Variants in ZBTB20 observed in about 807,000 individuals in gnomAD.
ZBTB20 encodes zinc finger and BTB domain containing 20, also known as zinc finger and BTB domain-containing protein 20.
In ZBTB20, 9 loss-of-function variants were observed where a neutral mutation model predicts 56.9. The ratio of observed to expected loss-of-function variants is 0.16; its 90% CI spans 0.10 to 0.28. The LOEUF (loss-of-function observed/expected upper bound fraction) is 0.28. ZBTB20 is among the 10% of genes least tolerant of loss of function. The probability of loss-of-function intolerance (pLI) is 1.00; values close to 1 mark genes in which losing one functional copy is unlikely to be tolerated. For synonymous variants in ZBTB20, 417 were observed against 420.7 expected (o/e 0.99, Z 0.11); for missense variants, 655 against 1,003.0 (o/e 0.65, Z 4.69).
At chr3:114,734,537 T>C (rs2065992068) in intron 5 of ZBTB20, among the ~76,000 whole-genome samples, 1 of 152,126 alleles carries the variant, frequency 6.6e-6, no homozygotes, top group South Asian at 2.1e-4. Flanking sequence ...GAAAGCAATT[T>C]TACCATAGAC....
At chr3:114,829,648 A>G (rs1309314098) in intron 4 of ZBTB20, among the ~76,000 whole-genome samples, 1 of 151,876 alleles carries the variant, frequency 6.6e-6, no homozygotes, top group African/African-American at 2.4e-5. Flanking sequence ...TCAGCTCACT[A>G]AAGATTCTAG....
At chr3:114,600,424 G>C (rs1412965354) in intron 6 of ZBTB20, among the ~76,000 whole-genome samples, 2 of 151,892 alleles carry the variant, frequency 1.3e-5, no homozygotes, top group Non-Finnish European at 2.9e-5. Flanking sequence ...AGAGATGATT[G>C]CTTTCTTTTT....
At chr3:114,457,104 A>C (rs1025644866) in intron 7 of ZBTB20, among the ~76,000 whole-genome samples, 1 of 152,236 alleles carries the variant, frequency 6.6e-6, no homozygotes, top group Non-Finnish European at 1.5e-5. Flanking sequence ...GGCAAGCCCC[A>C]AAATACCTGA....
At chr3:115,128,519 C>T (rs1478217091) in intron 1 of ZBTB20, among the ~76,000 whole-genome samples, 2 of 151,818 alleles carry the variant, frequency 1.3e-5, no homozygotes, top group Non-Finnish European at 2.9e-5. Context: ...CAAAAATTAG[C>T]TGGGTGTGGC....
chr3:115,106,045 C>T (rs541883796), intron 1 of ZBTB20, among the ~76,000 whole-genome samples: 19 of 151,792 alleles, frequency 1.3e-4, no homozygotes, highest in African/African-American at 3.9e-4. Flanking sequence ...CTCAAATTCC[C>T]GACCTTGTGA....
chr3:114,374,014 C>G (rs1396316040), intron 10 of ZBTB20, among the ~76,000 whole-genome samples: 2 of 151,976 alleles, frequency 1.3e-5, no homozygotes, highest in Non-Finnish European at 2.9e-5. Flanking sequence ...AGTGGAAACT[C>G]TAGGAAATTA....
chr3:114,883,108 T>C (rs1232745541), intron 4 of ZBTB20, among the ~76,000 whole-genome samples: 1 of 152,206 alleles, frequency 6.6e-6, no homozygotes, highest in Admixed American at 6.5e-5. Flanking sequence ...ACAGTACATA[T>C]TTTCATGTGT....
chr3:115,101,059 G>A (rs536064412), intron 1 of ZBTB20, among the ~76,000 whole-genome samples: 1 of 152,352 alleles, frequency 6.6e-6, no homozygotes, highest in Admixed American at 6.5e-5. Flanking sequence ...TAGAAGAAGG[G>A]AGATTGGCTT....
At chr3:115,121,393 T>G (rs2084177746) in intron 1 of ZBTB20, among the ~76,000 whole-genome samples, 1 of 151,906 alleles carries the variant, frequency 6.6e-6, no homozygotes, top group Admixed American at 6.6e-5. Flanking sequence ...GTAGCTGAAC[T>G]GATTTAAGAT....
chr3:114,438,966 C>G (rs1229868161), intron 7 of ZBTB20, among the ~76,000 whole-genome samples: 1 of 152,090 alleles, frequency 6.6e-6, no homozygotes, highest in Non-Finnish European at 1.5e-5. Flanking sequence ...TCTCAAAACT[C>G]TCAGTTAACC....
chr3:114,665,952 T>C (rs1348940524), intron 6 of ZBTB20, among the ~76,000 whole-genome samples: 2 of 151,820 alleles, frequency 1.3e-5, no homozygotes, highest in Non-Finnish European at 2.9e-5. Flanking sequence ...TTGGGCGGAG[T>C]TTTATTGCGT....
intron 4 of ZBTB20, among the ~76,000 whole-genome samples, chr3:114,872,810 T>C (rs1242751223): frequency 6.6e-6 from 1 of 152,132 alleles, no homozygotes; most frequent in Non-Finnish European, 1.5e-5. Context: ...CCGCCCTTTC[T>C]AAATTCAATT....
At chr3:114,695,600 C>G (rs1430149288) in intron 5 of ZBTB20, among the ~76,000 whole-genome samples, 4 of 151,888 alleles carry the variant, frequency 2.6e-5, no homozygotes, top group Non-Finnish European at 5.9e-5. Context: ...AAATCTCCCT[C>G]ACTTTTGTGT....
intron 4 of ZBTB20, among the ~76,000 whole-genome samples, chr3:114,804,217 T>C (rs2071930913): frequency 1.2e-5 from 1 of 85,318 alleles, no homozygotes; most frequent in African/African-American, 2.7e-5. Flanking sequence ...ACAAAGCCTC[T>C]AGTCAATAAA....
chr3:114,882,074 C>T (rs1470905844), intron 4 of ZBTB20, among the ~76,000 whole-genome samples: 1 of 151,580 alleles, frequency 6.6e-6, no homozygotes, highest in East Asian at 1.9e-4. Context: ...AATTTATTTT[C>T]CATAATATAC....
chr3:114,912,167 T>A (rs2075568312), intron 3 of ZBTB20, among the ~76,000 whole-genome samples: 1 of 144,704 alleles, frequency 6.9e-6, no homozygotes, highest in African/African-American at 2.5e-5. Flanking sequence ...AAACAGTATA[T>A]CCACAAAAGC....
intron 7 of ZBTB20, among the ~76,000 whole-genome samples, chr3:114,434,372 G>C (rs2090350045): frequency 1.3e-5 from 2 of 152,016 alleles, no homozygotes; most frequent in African/African-American, 2.4e-5. Context: ...GGGAGAGGCA[G>C]GTATGCTAGG....
intron 2 of ZBTB20, among the ~76,000 whole-genome samples, chr3:114,982,594 T>A (rs2078373671): frequency 6.6e-6 from 1 of 151,474 alleles, no homozygotes; most frequent in Non-Finnish European, 1.5e-5. Flanking sequence ...TCCATTTAAT[T>A]TTTATTGAAT....
intron 6 of ZBTB20, among the ~76,000 whole-genome samples, chr3:114,556,761 G>C (rs918489715): frequency 5.3e-5 from 8 of 151,998 alleles, no homozygotes; most frequent in African/African-American, 1.9e-4. Context: ...TGGGACTTAA[G>C]ACACTTTCCT....
Sources: gnomAD v4.1 joint callset for allele counts (sites outside exome capture counted in the v4.1 genomes callset) on GRCh38, gnomAD v4.1.1 for gene constraint, MANE v1.5 for transcripts, NCBI Gene and HGNC (gene_info 2026-07-23, HGNC 2026-07-21) for gene names.